Variants in HS3ST4 observed in about 807,000 individuals in gnomAD.
HS3ST4 encodes heparan sulfate-glucosamine 3-sulfotransferase 4.
Under a neutral mutation model 29.2 loss-of-function variants are expected in HS3ST4, and 17 were observed. The ratio of observed to expected loss-of-function variants is 0.58; its 90% confidence interval spans 0.40 to 0.87. The LOEUF (loss-of-function observed/expected upper bound fraction) is 0.87, where lower values mean the gene tolerates loss of function less well. Among genes scored for constraint, HS3ST4 ranks in the 40% least tolerant of loss-of-function variants. HS3ST4 has a pLI of 0.00. For missense variants in HS3ST4, 627 were observed against 634.5 expected (o/e 0.99, Z 0.13); for synonymous variants, 314 against 285.7 (o/e 1.10, Z -1.00).
At chr16:25,715,245 C>T (rs1966445198) in intron 1 of HS3ST4, among the ~76,000 whole-genome samples, 1 of 151,088 alleles carries the variant, frequency 6.6e-6, no homozygotes, top group Non-Finnish European at 1.5e-5. Flanking sequence ...TGGCGTGAAC[C>T]CGGGAAGCGG....
intron 1 of HS3ST4, among the ~76,000 whole-genome samples, chr16:26,078,182 T>G (rs1199925370): frequency 6.6e-6 from 1 of 152,164 alleles, no homozygotes; most frequent in Non-Finnish European, 1.5e-5. Flanking sequence ...ACTGTGTCCC[T>G]CAGGCTGGAG....
intron 1 of HS3ST4, among the ~76,000 whole-genome samples, chr16:25,781,506 CCT>C (rs1966852571): frequency 6.6e-6 from 1 of 152,256 alleles, no homozygotes; most frequent in Non-Finnish European, 1.5e-5. Flanking sequence ...GATAGAATCT[CCT>C]CTCTCACACA....
At chr16:26,073,677 CT>C (rs1424013819) in intron 1 of HS3ST4, among the ~76,000 whole-genome samples, 2 of 138,300 alleles carry the variant, frequency 1.4e-5, no homozygotes, top group African/African-American at 5.0e-5. Context: ...CTGGTCAGAA[CT>C]TTTAATATCT....
At chr16:25,943,572 C>T (rs113144816) in intron 1 of HS3ST4, among the ~76,000 whole-genome samples, 6,887 of 152,054 alleles carry the variant, frequency 0.045, 497 homozygotes, top group African/African-American at 0.16. Flanking sequence ...AAAAAAAATA[C>T]TGAGGATGAT....
chr16:25,868,326 C>A (rs897738808), intron 1 of HS3ST4, among the ~76,000 whole-genome samples: 6 of 152,072 alleles, frequency 3.9e-5, no homozygotes, highest in African/African-American at 1.4e-4. Flanking sequence ...ATTGAAGATT[C>A]ATTGTAAGAT....
chr16:25,739,974 G>A (rs1213315802), intron 1 of HS3ST4, among the ~76,000 whole-genome samples: 2 of 152,160 alleles, frequency 1.3e-5, no homozygotes, highest in African/African-American at 4.8e-5. Context: ...TTCCTTCCAA[G>A]ACAAGGACCT....
intron 1 of HS3ST4, among the ~76,000 whole-genome samples, chr16:25,842,442 A>AT (rs943467099): frequency 6.6e-6 from 1 of 152,106 alleles, no homozygotes; most frequent in African/African-American, 2.4e-5. Context: ...CTGTACTGTG[A>AT]TTTTTTATTT....
chr16:26,121,580 A>C (rs559133665), intron 1 of HS3ST4, among the ~76,000 whole-genome samples: 1 of 152,304 alleles, frequency 6.6e-6, no homozygotes, highest in Non-Finnish European at 1.5e-5. Flanking sequence ...GTGAGAAGGA[A>C]GGCAGGCTGG....
Position 25,953,550 on chromosome 16 carries a change from G to A in HS3ST4, c.735-182062G>A, listed in dbSNP as rs116975676. Among the ~76,000 whole-genome samples, 218 of 152,260 alleles carry A rather than the reference G, an allele frequency of 1.4e-3. No homozygotes were observed. In the East Asian group the frequency reaches 0.02, roughly 14 times the overall value. On this transcript the variant is annotated intron_variant, in intron 1 of 1. Coordinates refer to ENST00000331351, the MANE Select transcript of HS3ST4 (RefSeq NM_006040.3). ...AACTCCCTAGAAATATTCTTTAAAG[G>A]GAGGGGACCCACCCCTTTTCATTGC...
intron 1 of HS3ST4, among the ~76,000 whole-genome samples, chr16:26,023,692 C>T (rs1168799769): frequency 6.6e-6 from 1 of 152,004 alleles, no homozygotes; most frequent in African/African-American, 2.4e-5. Flanking sequence ...TAGACATGAG[C>T]CATCCCACCT....
chr16:25,832,823 T>G (rs1967317911), intron 1 of HS3ST4, among the ~76,000 whole-genome samples: 1 of 152,220 alleles, frequency 6.6e-6, no homozygotes, highest in African/African-American at 2.4e-5. Flanking sequence ...TGATGATCAT[T>G]TATCTTGTCT....
intron 1 of HS3ST4, among the ~76,000 whole-genome samples, chr16:25,851,992 A>C (rs1313387892): frequency 6.6e-6 from 1 of 152,190 alleles, no homozygotes; most frequent in Non-Finnish European, 1.5e-5. Context: ...GAGGTATCAT[A>C]TGGGTTCTAT....
intron 1 of HS3ST4, among the ~76,000 whole-genome samples, chr16:26,077,660 G>GT (rs1209405268): frequency 2.0e-5 from 3 of 152,198 alleles, no homozygotes. Flanking sequence ...CAGGCTAATG[G>GT]TATCCTGGGG....
chr16:26,052,440 G>A (rs545668802), intron 1 of HS3ST4, among the ~76,000 whole-genome samples: 5 of 152,034 alleles, frequency 3.3e-5, no homozygotes, highest in South Asian at 4.2e-4. Context: ...CCACAATTTC[G>A]GCTCAATGCA....
chr16:25,903,166 A>T (rs1234392209), intron 1 of HS3ST4, among the ~76,000 whole-genome samples: 1 of 151,818 alleles, frequency 6.6e-6, no homozygotes, highest in East Asian at 1.9e-4. Flanking sequence ...GCACTGTGAC[A>T]TTAGACCTCA....
At chr16:25,875,653 T>G (rs1967823276) in intron 1 of HS3ST4, among the ~76,000 whole-genome samples, 1 of 152,154 alleles carries the variant, frequency 6.6e-6, no homozygotes, top group South Asian at 2.1e-4. Flanking sequence ...AGCTGTGCCT[T>G]CAAATTTCAA....
At chr16:25,888,453 C>T (rs1967976544) in intron 1 of HS3ST4, among the ~76,000 whole-genome samples, 1 of 152,190 alleles carries the variant, frequency 6.6e-6, no homozygotes, top group Admixed American at 6.5e-5. Flanking sequence ...CATCCTTTCT[C>T]CGCAGTCACC....
chr16:26,036,262 C>T (rs73512485), intron 1 of HS3ST4, among the ~76,000 whole-genome samples: 1,834 of 152,324 alleles, frequency 0.012, 38 homozygotes, highest in African/African-American at 0.04. Context: ...GCAGCTGAAG[C>T]ATGTCTATTC....
In HS3ST4 at chr16:25,692,702, G is replaced by A. The variant is rs1337435037; in HGVS notation, c.285G>A (p.Ser95=). The A allele has an allele frequency of 8.2e-7, 1 of 1,226,080 alleles. No homozygotes were observed. The highest frequency in any genetic ancestry group is 1.0e-6 in the Non-Finnish European group (1 of 986,470). 76.0% of individuals were successfully genotyped at this position (1,226,080 alleles called of 1,614,324 possible). A position where few individuals can be genotyped will look rare whatever the true frequency, so the allele number is the denominator to read the frequency against. Residue 95 remains serine (S), a synonymous_variant, in exon 1 of 2, where the codon TCG becomes TCA. Transcript: ENST00000331351. ...LPTPVRLGAP[S]QPPAPPPLDN... ...CCCCCGTGCGCCTCGGCGCCCCCTCGCAGCCGCCCGCGCCGCCGCCGCTGG... is the reference window on the plus strand; with the variant it reads ...CCCCCGTGCGCCTCGGCGCCCCCTCACAGCCGCCCGCGCCGCCGCCGCTGG...
Sources: gnomAD v4.1 joint callset for allele counts (sites outside exome capture counted in the v4.1 genomes callset) on GRCh38, gnomAD v4.1.1 for gene constraint, MANE v1.5 for transcripts, NCBI Gene and HGNC (gene_info 2026-07-23, HGNC 2026-07-21) for gene names.